Variants in SIPA1L1 observed in about 807,000 individuals in gnomAD.
SIPA1L1 encodes signal-induced proliferation-associated 1-like protein 1.
Under a neutral mutation model 162.7 loss-of-function variants are expected in SIPA1L1, and 26 were observed. The ratio of observed to expected loss-of-function variants is 0.16; its 90% CI spans 0.12 to 0.22. The LOEUF is 0.22. Among genes scored for constraint, SIPA1L1 ranks in the 10% least tolerant of loss-of-function variants. The pLI is 1.00. For synonymous variants in SIPA1L1, 829 were observed against 837.4 expected (o/e 0.99, Z 0.17); for missense variants, 1,874 against 2,241.0 (o/e 0.84, Z 3.31).
intron 2 of SIPA1L1, among the ~76,000 whole-genome samples, chr14:71,434,261 T>A (rs2044213043): frequency 6.6e-6 from 1 of 152,046 alleles, no homozygotes; most frequent in Non-Finnish European, 1.5e-5. Flanking sequence ...ATGTCCTGTA[T>A]GTTTAGGTGC....
chr14:71,553,167 A>G (rs11845798), intron 4 of SIPA1L1, among the ~76,000 whole-genome samples: 4,896 of 152,314 alleles, frequency 0.032, 273 homozygotes, highest in African/African-American at 0.11. Context: ...TCAGATAGAA[A>G]TCTGGCTCAG....
chr14:71,363,738 T>C (rs1003714903), intron 2 of SIPA1L1, among the ~76,000 whole-genome samples: 2 of 152,224 alleles, frequency 1.3e-5, no homozygotes, highest in African/African-American at 4.8e-5. Context: ...ATTTCCTAAC[T>C]ATATTACCAG....
At chr14:71,446,902 TTTTG>T (rs1341077484) in intron 2 of SIPA1L1, among the ~76,000 whole-genome samples, 1,861 of 83,966 alleles carry the variant, frequency 0.022, 108 homozygotes, top group Non-Finnish European at 0.029. Context: ...CTGTTTTTTT[TTTTG>T]TTTTTTTTTT....
At chr14:71,682,080 C>G (rs1048675132) in intron 12 of SIPA1L1, among the ~76,000 whole-genome samples, 3 of 152,138 alleles carry the variant, frequency 2.0e-5, no homozygotes, top group African/African-American at 7.2e-5. Flanking sequence ...TGTATTAATT[C>G]TGTGGGTTTA....
chr14:71,398,296 G>C (rs2041388005), intron 2 of SIPA1L1: 1 of 152,114 alleles, frequency 6.6e-6, no homozygotes, highest in African/African-American at 2.4e-5. Flanking sequence ...GGTATTACTT[G>C]AAAGTTCTGA....
At chr14:71,397,930 G>A (rs1164620480) in intron 2 of SIPA1L1, among the ~76,000 whole-genome samples, 1 of 150,484 alleles carries the variant, frequency 6.6e-6, no homozygotes, top group Non-Finnish European at 1.5e-5. Flanking sequence ...TTTATAAGAT[G>A]TGACAAATTC....
intron 10 of SIPA1L1, among the ~76,000 whole-genome samples, chr14:71,667,657 C>A (rs1258014845): frequency 1.3e-5 from 2 of 152,236 alleles, no homozygotes; most frequent in Non-Finnish European, 2.9e-5. Context: ...TTTTCTGTAT[C>A]ACCTTCCTTT....
intron 2 of SIPA1L1, among the ~76,000 whole-genome samples, chr14:71,329,788 T>G (rs2034302272): frequency 6.6e-6 from 1 of 152,212 alleles, no homozygotes; most frequent in Non-Finnish European, 1.5e-5. Context: ...ATTTTTAAAT[T>G]GGGTTATTTG....
chr14:71,492,766 A>G (rs2049389470), intron 2 of SIPA1L1, among the ~76,000 whole-genome samples: 1 of 150,628 alleles, frequency 6.6e-6, no homozygotes, highest in Non-Finnish European at 1.5e-5. Flanking sequence ...GACCATGGGC[A>G]TATGCCACCA....
intron 2 of SIPA1L1, among the ~76,000 whole-genome samples, chr14:71,381,911 G>A (rs1364042587): frequency 6.6e-6 from 1 of 152,172 alleles, no homozygotes; most frequent in Non-Finnish European, 1.5e-5. Flanking sequence ...TGCATTTACA[G>A]ATTTTAGAGA....
At chr14:71,388,144 T>A (rs1189470889) in intron 2 of SIPA1L1, among the ~76,000 whole-genome samples, 1 of 152,248 alleles carries the variant, frequency 6.6e-6, no homozygotes, top group African/African-American at 2.4e-5. Flanking sequence ...GCCTAAAATA[T>A]GATTTTTAAT....
At chr14:71,598,722 G>C (rs1028304146) in intron 5 of SIPA1L1, among the ~76,000 whole-genome samples, 1 of 151,948 alleles carries the variant, frequency 6.6e-6, no homozygotes, top group African/African-American at 2.4e-5. Context: ...TTTAGTTAAT[G>C]GTATTGCACC....
chr14:71,525,377 G>T (rs1318025105), intron 3 of SIPA1L1, among the ~76,000 whole-genome samples: 1 of 152,040 alleles, frequency 6.6e-6, no homozygotes, highest in East Asian at 1.9e-4. Flanking sequence ...TAGAGACAGG[G>T]TTTCACTGTG....
intron 4 of SIPA1L1, among the ~76,000 whole-genome samples, chr14:71,568,614 G>C (rs2031281679): frequency 6.6e-6 from 1 of 152,162 alleles, no homozygotes; most frequent in Admixed American, 6.5e-5. Flanking sequence ...AGAATTCGAG[G>C]TGAATCCGTA....
In SIPA1L1 at chr14:71,584,067, CTTTTA is replaced by C. The variant is rs561669391; in HGVS notation, c.-302-3502_-302-3498del. 3.4e-3 allele frequency among the ~76,000 whole-genome samples: 517 copies of C among 152,274 alleles called. 3 individuals carry two copies. Among genetic ancestry groups the C allele is most frequent in the African/African-American group, 0.012 (493 of 41,552 alleles). ...CTCACATGCATCCTGATAGAAATAC[CTTTTA>C]TACCCCTTTCCAGAAATATGAAAAA... On this transcript the variant is annotated intron_variant, in intron 4 of 23. Transcript: ENST00000381232.
At chr14:71,352,201 TGAG>T (rs2036786885) in intron 2 of SIPA1L1, among the ~76,000 whole-genome samples, 1 of 152,110 alleles carries the variant, frequency 6.6e-6, no homozygotes, top group Non-Finnish European at 1.5e-5. Context: ...TTTTTCTTTT[TGAG>T]ACAGTCTCAC....
intron 2 of SIPA1L1, among the ~76,000 whole-genome samples, chr14:71,331,600 G>T (rs1381638828): frequency 6.6e-6 from 1 of 152,172 alleles, no homozygotes; most frequent in East Asian, 1.9e-4. Context: ...TATCACAACA[G>T]TCAGATGTGT....
chr14:71,361,593 G>A (rs548230196), intron 2 of SIPA1L1, among the ~76,000 whole-genome samples: 3 of 152,240 alleles, frequency 2.0e-5, no homozygotes, highest in African/African-American at 7.2e-5. Context: ...GCAGTCACTG[G>A]TGGCCTATCA....
chr14:71,719,515 C>T (rs1051013808), intron 17 of SIPA1L1, among the ~76,000 whole-genome samples: 4 of 152,116 alleles, frequency 2.6e-5, no homozygotes, highest in Admixed American at 6.6e-5. Context: ...TTTTAATTTA[C>T]ATTTTCCTAG....
Sources: allele counts gnomAD v4.1 joint callset (sites outside exome capture counted in the v4.1 genomes callset), GRCh38; gene constraint gnomAD v4.1.1; transcripts MANE v1.5; gene names NCBI Gene and HGNC (gene_info 2026-07-23, HGNC 2026-07-21).